Variants in HDAC9 observed in about 807,000 individuals in gnomAD.
HDAC9 encodes histone deacetylase 9, also known as MEF-2 interacting transcription repressor (MITR) protein.
A neutral mutation model predicts 139.4 loss-of-function variants in HDAC9; 41 were observed. That is an observed-to-expected ratio of 0.29 (90% CI 0.23 to 0.38). The LOEUF (loss-of-function observed/expected upper bound fraction) is 0.38. Ranked by LOEUF, HDAC9 falls within the 10% of genes least tolerant of loss-of-function variation. The pLI, the probability that HDAC9 is intolerant of heterozygous loss-of-function variation, is 1.00. For missense variants in HDAC9, 1,147 were observed against 1,297.0 expected, an observed-to-expected ratio of 0.88 and a Z score of 1.78; for synonymous variants, 517 against 476.2, an observed-to-expected ratio of 1.09 and a Z score of -1.12.
At chr7:18,634,136 A>G (rs1466653883) in intron 7 of HDAC9, among the ~76,000 whole-genome samples, 1 of 152,102 alleles carries the variant, frequency 6.6e-6, no homozygotes, top group African/African-American at 2.4e-5. Context: ...ATATGCAATA[A>G]TAAGGTATAG....
chr7:18,433,550 A>T (rs1220670809), intron 1 of HDAC9, among the ~76,000 whole-genome samples: 1 of 152,212 alleles, frequency 6.6e-6, no homozygotes, highest in Admixed American at 6.5e-5. Context: ...CCTAGATCTG[A>T]TAAACAACTT....
intron 19 of HDAC9, among the ~76,000 whole-genome samples, chr7:18,830,512 A>C (rs919519808): frequency 1.1e-4 from 17 of 152,230 alleles, no homozygotes; most frequent in Admixed American, 3.9e-4. Context: ...TCATAATTAA[A>C]TCTTATTGGA....
chr7:18,199,535 T>C (rs1790956946), intron 2 of HDAC9, among the ~76,000 whole-genome samples: 1 of 151,990 alleles, frequency 6.6e-6, no homozygotes, highest in African/African-American at 2.4e-5. Context: ...CCTGTAATCC[T>C]AATGCTTTGG....
At chr7:18,544,132 G>C (rs1813935856) in intron 2 of HDAC9, among the ~76,000 whole-genome samples, 1 of 152,236 alleles carries the variant, frequency 6.6e-6, no homozygotes, top group South Asian at 2.1e-4. Context: ...AGGATGGTCA[G>C]CTAGAGGCTG....
intron 19 of HDAC9, among the ~76,000 whole-genome samples, chr7:18,832,066 T>C (rs1274869708): frequency 6.6e-6 from 1 of 152,192 alleles, no homozygotes; most frequent in African/African-American, 2.4e-5. Flanking sequence ...TCCATGTTCC[T>C]TTCTGAGGCA....
At chr7:18,993,218 A>G (rs1020261896) in intron 25 of HDAC9, among the ~76,000 whole-genome samples, 1 of 149,742 alleles carries the variant, frequency 6.7e-6, no homozygotes, top group African/African-American at 2.5e-5. Context: ...AATTGTCCCA[A>G]TGGCAGATAT....
chr7:18,158,876 G>C (rs1275623158), intron 1 of HDAC9, among the ~76,000 whole-genome samples: 1 of 152,166 alleles, frequency 6.6e-6, no homozygotes, highest in Non-Finnish European at 1.5e-5. Flanking sequence ...GAGACTGCAG[G>C]ATGTCACTGT....
chr7:18,207,024 C>T (rs932610644), intron 2 of HDAC9, among the ~76,000 whole-genome samples: 1 of 151,366 alleles, frequency 6.6e-6, no homozygotes, highest in Admixed American at 6.6e-5. Context: ...CAACCCCTGC[C>T]TCCTAGGTTC....
In HDAC9 at chr7:18,687,909, G is replaced by A. The variant is rs374716070; in HGVS notation, c.1731+21433G>A. Among the ~76,000 whole-genome samples, 36 of 151,774 alleles carry A rather than the reference G, an allele frequency of 2.4e-4. 2 individuals are homozygous for A. The highest frequency in any genetic ancestry group is 8.7e-4 in the African/African-American group (36 of 41,486). The stretch of plus-strand genomic sequence containing the variant: ...ACCCAATAAATTTTCCACAGTATCT[G>A]GTATAAACTCTGGCTAGATAACTTT... On this transcript the variant is annotated intron_variant, in intron 12 of 25. Coordinates refer to ENST00000686413, the MANE Select transcript of HDAC9 (RefSeq NM_178425.4).
At chr7:18,289,330 CT>C (rs1797658498), upstream of HDAC9, among the ~76,000 whole-genome samples, 1 of 152,092 alleles carries the variant, frequency 6.6e-6, no homozygotes, top group Admixed American at 6.6e-5. Context: ...TTCAATAAGT[CT>C]TCAAAGTTTT....
At chr7:18,703,264 C>CA (rs1783642792) in intron 12 of HDAC9, among the ~76,000 whole-genome samples, 2 of 151,852 alleles carry the variant, frequency 1.3e-5, no homozygotes, top group South Asian at 4.1e-4. Context: ...TCAAAGGAAA[C>CA]AAAAAAATTA....
At chr7:18,222,038 G>T (rs912937660) in intron 2 of HDAC9, among the ~76,000 whole-genome samples, 1 of 152,152 alleles carries the variant, frequency 6.6e-6, no homozygotes, top group African/African-American at 2.4e-5. Flanking sequence ...GTTCCTGAAA[G>T]AAGTGAATTA....
intron 2 of HDAC9, among the ~76,000 whole-genome samples, chr7:18,561,870 G>A (rs781726942): frequency 6.6e-6 from 1 of 152,084 alleles, no homozygotes; most frequent in Non-Finnish European, 1.5e-5. Flanking sequence ...GGATTGTTTC[G>A]CCTTTTGGCT....
intron 1 of HDAC9, among the ~76,000 whole-genome samples, chr7:18,100,823 G>T (rs1782803112): frequency 6.6e-6 from 1 of 152,118 alleles, no homozygotes. Flanking sequence ...ATCGTGAATT[G>T]TAGGGTGCTG....
intron 6 of HDAC9, among the ~76,000 whole-genome samples, chr7:18,612,780 G>A (rs1253908559): frequency 1.3e-5 from 2 of 152,028 alleles, no homozygotes; most frequent in East Asian, 3.9e-4. Flanking sequence ...AAAGAGAATG[G>A]AGAAGCTGCC....
At chr7:18,470,590 T>A (rs1448355341) in intron 1 of HDAC9, among the ~76,000 whole-genome samples, 2 of 152,192 alleles carry the variant, frequency 1.3e-5, no homozygotes, top group East Asian at 3.8e-4. Flanking sequence ...CAGATAGCAG[T>A]AAATATTTTG....
intron 2 of HDAC9, among the ~76,000 whole-genome samples, chr7:18,208,031 A>G (rs773457361): frequency 4.6e-5 from 7 of 152,062 alleles, no homozygotes; most frequent in Admixed American, 1.3e-4. Flanking sequence ...GTTATTTTTA[A>G]AAAGCAAATT....
At chr7:18,269,933 TC>T (rs1244431899) in intron 2 of HDAC9, among the ~76,000 whole-genome samples, 1 of 152,022 alleles carries the variant, frequency 6.6e-6, no homozygotes, top group African/African-American at 2.4e-5. Context: ...AGATAAGCAG[TC>T]CACACAAAAG....
rs189146589 is a variant in HDAC9 at position 18,115,234 on chromosome 7, A to G, written c.-97+28021A>G. ...CATGAACCCGGGAGGCAGAGCTTGC[A>G]GTGAGCAGAGATTGTGCCACTGCAC... On this transcript the variant is annotated intron_variant, in intron 1 of 12. Coordinates refer to the HDAC9 transcript ENST00000417496. Among the ~76,000 whole-genome samples, 49 of 151,982 alleles carry G rather than the reference A, an allele frequency of 3.2e-4. 1 individual carries two copies. Among genetic ancestry groups the G allele is most frequent in the African/African-American group, 1.1e-3 (47 of 41,444 alleles).
Sources: allele counts gnomAD v4.1 joint callset (sites outside exome capture counted in the v4.1 genomes callset), GRCh38; gene constraint gnomAD v4.1.1; transcripts MANE v1.5; gene names NCBI Gene and HGNC (gene_info 2026-07-23, HGNC 2026-07-21).